ABCG1: variants seen among roughly 807,000 people sequenced by gnomAD.
ABCG1 encodes ATP-binding cassette sub-family G member 1.
A neutral mutation model predicts 69.2 loss-of-function variants in ABCG1; 29 were observed. That is an observed-to-expected ratio of 0.42 (90% confidence interval 0.31 to 0.57). The LOEUF (loss-of-function observed/expected upper bound fraction) is 0.57. Among genes scored for constraint, ABCG1 ranks in the 20% least tolerant of loss-of-function variants. ABCG1 has a pLI of 0.15. For synonymous variants in ABCG1, 370 were observed against 374.8 expected (o/e 0.99, Z 0.15); for missense variants, 718 against 898.1 (o/e 0.80, Z 2.56).
rs1266835029 is a variant in ABCG1, at chr21:42,273,792, A to G, written c.537+357A>G. Reference sequence around the variant, plus strand: ...CTTGGGATTCTCCTTCCTGTCAGCTATCCTTGAGTCTTTCCGTGTCTTTGG... The same window carrying G: ...CTTGGGATTCTCCTTCCTGTCAGCTGTCCTTGAGTCTTTCCGTGTCTTTGG... On this transcript the variant is annotated intron_variant, in intron 4 of 14. Transcript: ENST00000398449. The surrounding 1 kb of genome is among the most constrained non-coding windows in gnomAD (Gnocchi z 5.3). 2.0e-5 allele frequency among the ~76,000 whole-genome samples: 3 copies of G among 152,220 alleles called. No individual in the cohort carries two copies. In the East Asian group the frequency reaches 5.8e-4, roughly 29 times the overall value.
Position 42,285,956 on chromosome 21 carries a change from G to A in ABCG1, c.935G>A (p.Gly312Asp), listed in dbSNP as rs1459322566. Residue 312 changes from glycine to aspartate, a missense_variant, in exon 8 of 15, where the codon GGT becomes GAT. By Grantham distance (94) the Gly-to-Asp change is moderately conservative (BLOSUM62 -1). Transcript: ENST00000398449. Reference protein sequence around the residue: ...CNLVPYLRDLGLNCPTYHNPA... With the variant: ...CNLVPYLRDLDLNCPTYHNPA... Reference sequence around the variant, plus strand: ...CTTGTGCCATATTTGAGGGATTTGGGTCTGAACTGCCCAACCTACCACAAC... The same window carrying A: ...CTTGTGCCATATTTGAGGGATTTGGATCTGAACTGCCCAACCTACCACAAC... 1.2e-6 allele frequency: 2 copies of A among 1,613,940 alleles called. No homozygotes were observed. Among genetic ancestry groups the A allele is most frequent in the Non-Finnish European group, 1.7e-6 (2 of 1,180,008 alleles).
intron 2 of ABCG1, among the ~76,000 whole-genome samples, chr21:42,202,667 A>G (rs1231007327): frequency 2.0e-5 from 3 of 151,628 alleles, no homozygotes; most frequent in Non-Finnish European, 2.9e-5. Context: ...GCTGAAGTAC[A>G]GGGGCGCGAT....
At chr21:42,225,560 G>T in intron 1 of ABCG1, 111 bp from the exon 2 acceptor site, 1 of 1,366,716 alleles carries the variant, frequency 7.3e-7, no homozygotes, top group Non-Finnish European at 1.0e-6. Flanking sequence ...TGCAGTGGAA[G>T]AAGTGTTGCT....
chr21:42,277,730 T>C (rs2068735789), intron 5 of ABCG1, among the ~76,000 whole-genome samples: 2 of 152,372 alleles, frequency 1.3e-5, no homozygotes, highest in South Asian at 4.1e-4. Flanking sequence ...TGGCAGCAGC[T>C]GAGAGTGGGG....
rs998553317 is a variant in ABCG1 at position 42,219,579 on chromosome 21, A to G, written c.42+275A>G. Among the ~76,000 whole-genome samples, 3 of 150,764 alleles carry G rather than the reference A, an allele frequency of 2.0e-5. No homozygotes were observed. The highest frequency in any genetic ancestry group is 7.3e-5 in the African/African-American group (3 of 41,184). ...GGCGGGGGCAGCGAGTTGCCCTACA[A>G]GTTGGACCGATGGCCTTGACCTGAT... is the stretch of plus-strand genomic sequence containing the variant. On this transcript the variant is annotated intron_variant, in intron 1 of 14. Transcript: ENST00000398449. The surrounding 1 kb of genome is among the most constrained non-coding windows in gnomAD (Gnocchi z 5.3).
At chr21:42,229,628 G>C (rs1372200751) in intron 2 of ABCG1, among the ~76,000 whole-genome samples, 2 of 152,170 alleles carry the variant, frequency 1.3e-5, no homozygotes, top group Non-Finnish European at 2.9e-5. Flanking sequence ...GCTGAAGCAG[G>C]AGAATTGCTT....
chr21:42,288,236 A>C lies in ABCG1; in HGVS notation c.1148A>C (p.His383Pro). ...GACTCCTCGTCCATGGAAGGCTGCC[A>C]CAGCTTCTCTGCCAGCTGCCTCACG... Reference protein sequence around the residue: ...EEDSSSMEGCHSFSASCLTQF... With the variant: ...EEDSSSMEGCPSFSASCLTQF... The change falls in exon 10 of 15, where the codon CAC becomes CCC. Residue 383 changes from histidine to proline, a missense_variant. Around this residue, in one of 2 missense-constraint regions of ABCG1, gnomAD observed 514 missense variants for 574.3 expected, o/e 0.90. Coordinates refer to ENST00000398449, the MANE Select transcript of ABCG1 (RefSeq NM_016818.3). This position sits in a 1 kb window ranked among gnomAD's most constrained non-coding sequence, Gnocchi z 4.8. The C allele has an allele frequency of 6.2e-7, 1 of 1,614,178 alleles. No homozygotes were observed. Among genetic ancestry groups the C allele is most frequent in the Non-Finnish European group, 8.5e-7 (1 of 1,180,028 alleles).
At chr21:42,230,410 C>T (rs938669085) in intron 2 of ABCG1, among the ~76,000 whole-genome samples, 2 of 152,220 alleles carry the variant, frequency 1.3e-5, no homozygotes, top group African/African-American at 4.8e-5. Flanking sequence ...GGACAAATGG[C>T]TCGGAACAAT....
rs1455819498 is a variant in ABCG1, at chr21:42,296,471, C to A, written c.*79C>A. On this transcript the variant is annotated 3_prime_UTR_variant, in exon 15 of 15. Coordinates refer to ENST00000398449, the MANE Select transcript of ABCG1 (RefSeq NM_016818.3). The surrounding 1 kb of genome is among the most constrained non-coding windows in gnomAD (Gnocchi z 5.4). ...CTAGAATCGAGGAGGCAAGCCTGTGCCCGACCGACGACACAGAGACTCTTC... is the reference window on the plus strand; with the variant it reads ...CTAGAATCGAGGAGGCAAGCCTGTGACCGACCGACGACACAGAGACTCTTC... The A allele has an allele frequency of 2.0e-5, 26 of 1,318,344 alleles. No homozygotes were observed. Among genetic ancestry groups the A allele is most frequent in the Non-Finnish European group, 2.7e-5 (25 of 941,376 alleles). 81.7% of individuals were successfully genotyped at this position (1,318,344 alleles called of 1,614,324 possible). A position where few individuals can be genotyped will look rare whatever the true frequency, so the allele number is the denominator to read the frequency against.
intron 13 of ABCG1, among the ~76,000 whole-genome samples, chr21:42,293,958 C>G (rs1225413505): frequency 6.6e-5 from 2 of 30,204 alleles, no homozygotes; most frequent in Non-Finnish European, 1.6e-4. Context: ...ACACCACACA[C>G]ACACTCCACA....
intron 2 of ABCG1, chr21:42,256,253 G>T: frequency 6.7e-7 from 1 of 1,487,304 alleles, no homozygotes; most frequent in South Asian, 1.4e-5. Context: ...GCAACAGACA[G>T]AACACTTACC....
At position 42,273,833 on chromosome 21, in the gene ABCG1, G is replaced by T. The variant is rs539086047; in HGVS notation, c.537+398G>T. Among the ~76,000 whole-genome samples the T allele has an allele frequency of 1.4e-4, 22 of 152,238 alleles. No homozygotes were observed. The highest frequency in any genetic ancestry group is 5.3e-4 in the African/African-American group (22 of 41,526). Reference sequence around the variant, plus strand: ...GTGTCTTTGGCCCAAGCACCCACTCGCCTGGTGCCTTGGTCAGGATACCAA... The same window carrying T: ...GTGTCTTTGGCCCAAGCACCCACTCTCCTGGTGCCTTGGTCAGGATACCAA... On this transcript the variant is annotated intron_variant, in intron 4 of 14. Transcript: ENST00000398449. This position sits in a 1 kb window ranked among gnomAD's most constrained non-coding sequence, Gnocchi z 5.3.
At chr21:42,259,554 G>T (rs1410702291) in intron 2 of ABCG1, 3 of 1,507,420 alleles carry the variant, frequency 2.0e-6, no homozygotes, top group South Asian at 2.6e-5. Flanking sequence ...GGGCCCTCAG[G>T]CTATGGAGGC....
At chr21:42,265,182 C>T (rs1255203889) in intron 2 of ABCG1, among the ~76,000 whole-genome samples, 1 of 152,214 alleles carries the variant, frequency 6.6e-6, no homozygotes, top group Non-Finnish European at 1.5e-5. Flanking sequence ...CCTCACGTCC[C>T]TCATTCCTGC....
upstream of ABCG1, among the ~76,000 whole-genome samples, chr21:42,212,402 T>C (rs1478719200): frequency 1.3e-5 from 2 of 151,708 alleles, no homozygotes; most frequent in Non-Finnish European, 2.9e-5. Context: ...TCCGAGATTA[T>C]GTAAGTGGCT....
At chr21:42,241,868 C>A (rs2068056779) in intron 2 of ABCG1, among the ~76,000 whole-genome samples, 1 of 146,978 alleles carries the variant, frequency 6.8e-6, no homozygotes, top group Admixed American at 6.9e-5. Context: ...GCCCCAGTTA[C>A]TTGGGAGGCT....
intron 2 of ABCG1, among the ~76,000 whole-genome samples, chr21:42,210,654 T>C (rs2067579563): frequency 6.6e-6 from 1 of 152,240 alleles, no homozygotes; most frequent in African/African-American, 2.4e-5. Context: ...TTGCAGTTTT[T>C]CCCCTGAAAC....
In ABCG1 at chr21:42,291,445, C is replaced by T. The variant is rs554934312; in HGVS notation, c.1495-53C>T. 41 of 1,573,710 alleles carry T rather than the reference C, an allele frequency of 2.6e-5. No individual in the cohort carries two copies. In the Middle Eastern group the frequency reaches 8.5e-4, roughly 33 times the overall value. On this transcript the variant is annotated intron_variant, in intron 12 of 14. Coordinates refer to ENST00000398449, the MANE Select transcript of ABCG1 (RefSeq NM_016818.3). The surrounding 1 kb of genome is among the most constrained non-coding windows in gnomAD (Gnocchi z 6.4). The stretch of plus-strand genomic sequence containing the variant: ...GGCTGCCCAGGAGCTTTGCTGTTGG[C>T]CTGCTGTGGTGGGAAGCGGCTGAGC...
chr21:42,264,426 C>T (rs555566259), intron 2 of ABCG1, among the ~76,000 whole-genome samples: 1 of 152,214 alleles, frequency 6.6e-6, no homozygotes, highest in East Asian at 1.9e-4. Context: ...TCCATCTGTC[C>T]ATCCATCCAT....
Sources: gnomAD v4.1 joint callset for allele counts (sites outside exome capture counted in the v4.1 genomes callset) on GRCh38, gnomAD v4.1.1 for gene constraint, gnomAD v4.1.1 regional missense constraint, Gnocchi (gnomAD v3.1) non-coding constraint, MANE v1.5 for transcripts, NCBI Gene and HGNC (gene_info 2026-07-23, HGNC 2026-07-21) for gene names.